Variants in PELI2 observed in about 807,000 individuals in gnomAD.
PELI2 encodes the protein pellino E3 ubiquitin protein ligase family member 2, also known as E3 ubiquitin-protein ligase pellino homolog 2.
A neutral mutation model predicts 42.3 loss-of-function variants in PELI2; 23 were observed. The observed-to-expected ratio is 0.54, with a 90% CI of 0.39 to 0.77. PELI2 has a LOEUF of 0.77. Among genes scored for constraint, PELI2 ranks in the 30% least tolerant of loss-of-function variants. The pLI, the probability that PELI2 is intolerant of heterozygous loss-of-function variation, is 0.00. For missense variants in PELI2, 463 were observed against 553.2 expected, an observed-to-expected ratio of 0.84 and a Z score of 1.64; for synonymous variants, 245 against 212.2, an observed-to-expected ratio of 1.15 and a Z score of -1.34.
Position 56,296,714 on chromosome 14 carries a change from G to C in PELI2, c.811G>C (p.Glu271Gln). 6.2e-7 allele frequency: 1 copy of C among 1,614,176 alleles called. No individual in the cohort carries two copies. The highest frequency in any genetic ancestry group is 8.5e-7 in the Non-Finnish European group (1 of 1,180,038). The stretch of plus-strand genomic sequence containing the variant: ...TCATACTCCAACTCAGAAGCACATA[G>C]AAGCCCTCCGGCAGGAGATTAACGC... Reference protein sequence around the residue: ...LFHTPTQKHIEALRQEINAAR... With the variant: ...LFHTPTQKHIQALRQEINAAR... Residue 271 changes from glutamate (E) to glutamine (Q), a missense_variant, in exon 6 of 6, where the codon GAA becomes CAA. Coordinates refer to ENST00000267460, the MANE Select transcript of PELI2 (RefSeq NM_021255.3).
intron 2 of PELI2, among the ~76,000 whole-genome samples, chr14:56,210,334 T>C (rs550504182): frequency 1.3e-5 from 2 of 152,212 alleles, no homozygotes; most frequent in Admixed American, 1.3e-4. Context: ...TTGAAAGTGG[T>C]TTTCTTTGGG....
At chr14:56,171,602 C>T (rs1211228220) in intron 1 of PELI2, among the ~76,000 whole-genome samples, 1 of 152,178 alleles carries the variant, frequency 6.6e-6, no homozygotes, top group East Asian at 1.9e-4. Flanking sequence ...ATACAGAAGG[C>T]CTCACTTTTT....
At chr14:56,178,230 C>G in intron 1 of PELI2, 105 bp from the exon 2 acceptor site, 1 of 1,212,246 alleles carries the variant, frequency 8.2e-7, no homozygotes, top group Admixed American at 2.1e-5. Flanking sequence ...GTGGGCAATT[C>G]TTTTATGACC....
chr14:56,171,050 C>G (rs1885150730), intron 1 of PELI2, among the ~76,000 whole-genome samples: 2 of 152,166 alleles, frequency 1.3e-5, no homozygotes, highest in Admixed American at 6.5e-5. Flanking sequence ...TTCTGACCTT[C>G]TTTCATGGGA....
chr14:56,296,954 T>C lies in PELI2; in HGVS notation c.1051T>C (p.Cys351Arg). ...CCCCTATGTGCCTCTCTGGCTTGGC[T>C]GTGAGGCAGGATTTTATGTAGACGC... ...VGPYVPLWLGCEAGFYVDAGP... is the reference protein window; with the variant it reads ...VGPYVPLWLGREAGFYVDAGP... The change falls in exon 6 of 6, where the codon TGT becomes CGT. Residue 351 changes from cysteine (C) to arginine (R), a missense_variant. Coordinates refer to ENST00000267460, the MANE Select transcript of PELI2 (RefSeq NM_021255.3). The C allele has an allele frequency of 6.2e-7, 1 of 1,614,052 alleles. No individual in the cohort carries two copies. Among genetic ancestry groups the C allele is most frequent in the Non-Finnish European group, 8.5e-7 (1 of 1,179,946 alleles).
intron 1 of PELI2, among the ~76,000 whole-genome samples, chr14:56,176,143 C>G (rs897699673): frequency 6.6e-6 from 1 of 152,208 alleles, no homozygotes; most frequent in African/African-American, 2.4e-5. Context: ...CCATTTCATT[C>G]AAACGTGGTG....
chr14:56,191,189 A>G (rs1023310183), intron 2 of PELI2, among the ~76,000 whole-genome samples: 1 of 152,194 alleles, frequency 6.6e-6, no homozygotes, highest in African/African-American at 2.4e-5. Flanking sequence ...ATAGGCAGGT[A>G]CCCAGAGAAG....
chr14:56,277,956 TTTAA>T, intron 2 of PELI2, among the ~76,000 whole-genome samples: 1 of 152,290 alleles, frequency 6.6e-6, no homozygotes, highest in East Asian at 1.9e-4. Context: ...ATGTATAACC[TTTAA>T]AAGTATTTCC....
chr14:56,245,555 G>A (rs1047790100), intron 2 of PELI2, among the ~76,000 whole-genome samples: 1 of 152,100 alleles, frequency 6.6e-6, no homozygotes, highest in African/African-American at 2.4e-5. Flanking sequence ...CTTAAGGGTT[G>A]GAGAGTTGTT....
chr14:56,169,227 C>G (rs947385539), intron 1 of PELI2, among the ~76,000 whole-genome samples: 1 of 152,170 alleles, frequency 6.6e-6, no homozygotes, highest in African/African-American at 2.4e-5. Context: ...CTCCCTGCCG[C>G]CAAGCCCACG....
chr14:56,196,864 G>A (rs1239390480), intron 2 of PELI2, among the ~76,000 whole-genome samples: 2 of 151,998 alleles, frequency 1.3e-5, no homozygotes, highest in Non-Finnish European at 2.9e-5. Context: ...TTTGTTCATG[G>A]TGTCTCATCT....
chr14:56,200,447 G>A (rs370375431), intron 2 of PELI2, among the ~76,000 whole-genome samples: 4 of 152,256 alleles, frequency 2.6e-5, no homozygotes, highest in South Asian at 2.1e-4. Flanking sequence ...GTGAAGACAC[G>A]CCTGGGTCTG....
At chr14:56,250,535 G>A (rs1001952615) in intron 2 of PELI2, among the ~76,000 whole-genome samples, 2 of 152,152 alleles carry the variant, frequency 1.3e-5, no homozygotes, top group Non-Finnish European at 2.9e-5. Context: ...AAATGCCATA[G>A]AGCCTCTGGC....
At chr14:56,261,822 G>T (rs1888724428) in intron 2 of PELI2, among the ~76,000 whole-genome samples, 1 of 152,184 alleles carries the variant, frequency 6.6e-6, no homozygotes, top group African/African-American at 2.4e-5. Context: ...TAAATCTGTT[G>T]TGAGTTTCTT....
Position 56,197,353 on chromosome 14 carries a change from A to G in PELI2, c.207+18889A>G, listed in dbSNP as rs1452683897. Among the ~76,000 whole-genome samples, 6 of 152,124 alleles carry G rather than the reference A, an allele frequency of 3.9e-5. No individual in the cohort carries two copies. The highest frequency in any genetic ancestry group is 8.8e-5 in the Non-Finnish European group (6 of 68,030). On this transcript the variant is annotated intron_variant, in intron 2 of 5. Coordinates refer to ENST00000267460, the MANE Select transcript of PELI2 (RefSeq NM_021255.3). The surrounding 1 kb of genome is among the most constrained non-coding windows in gnomAD (Gnocchi z 4.9). ...AGAAGTGTAACTGTCAGCATATTCTAAGACTCTGAGGCAGGCTTGAGGGCT... is the reference window on the plus strand; with the variant it reads ...AGAAGTGTAACTGTCAGCATATTCTGAGACTCTGAGGCAGGCTTGAGGGCT...
intron 1 of PELI2, among the ~76,000 whole-genome samples, chr14:56,123,307 T>A (rs1440884039): frequency 4.6e-5 from 7 of 152,156 alleles, no homozygotes. Flanking sequence ...CCTAACACTT[T>A]TCCTTTTCTC....
intron 2 of PELI2, among the ~76,000 whole-genome samples, chr14:56,272,889 G>A (rs1411149991): frequency 2.0e-5 from 3 of 152,122 alleles, no homozygotes; most frequent in Non-Finnish European, 1.5e-5. Context: ...TAGGTAAGAC[G>A]TACACACAGA....
At chr14:56,292,520 C>G (rs886699148) in intron 5 of PELI2, among the ~76,000 whole-genome samples, 6 of 152,162 alleles carry the variant, frequency 3.9e-5, no homozygotes, top group African/African-American at 1.4e-4. Flanking sequence ...CAGTACTTGT[C>G]ATTTGCAGTC....
chr14:56,132,511 G>C (rs976448314), intron 1 of PELI2, among the ~76,000 whole-genome samples: 2 of 152,162 alleles, frequency 1.3e-5, no homozygotes, highest in African/African-American at 4.8e-5. Context: ...GGACAGCCCT[G>C]CTGGAGTCAC....
Sources: gnomAD v4.1 joint callset for allele counts (sites outside exome capture counted in the v4.1 genomes callset) on GRCh38, gnomAD v4.1.1 for gene constraint, Gnocchi (gnomAD v3.1) non-coding constraint, MANE v1.5 for transcripts, NCBI Gene and HGNC (gene_info 2026-07-23, HGNC 2026-07-21) for gene names.